The following SLC25A26 variants were observed in gnomAD, a reference collection of about 807,000 sequenced individuals.
The protein encoded by SLC25A26 is solute carrier family 25 member 26, also known as mitochondrial S-adenosylmethionine carrier protein.
SLC25A26 carries 36 observed loss-of-function variants against 37.8 expected under a neutral mutation model. That is an observed-to-expected ratio of 0.95 (90% CI 0.73 to 1.26). The LOEUF (loss-of-function observed/expected upper bound fraction) is 1.26. Among genes scored for constraint, SLC25A26 ranks in the 50% most tolerant of loss-of-function variants. SLC25A26 has a pLI of 0.00. For synonymous variants in SLC25A26, 129 were observed against 122.5 expected (o/e 1.05, Z -0.35); for missense variants, 390 against 331.1 (o/e 1.18, Z -1.38).
At chr3:66,170,697 A>G (rs926538900) in intron 1 of SLC25A26, among the ~76,000 whole-genome samples, 1 of 150,770 alleles carries the variant, frequency 6.6e-6, no homozygotes, top group Admixed American at 6.6e-5. Flanking sequence ...TATTCCATCC[A>G]TCTATAATCC....
chr3:66,150,749 C>T (rs1424220955), intron 1 of SLC25A26, among the ~76,000 whole-genome samples: 3 of 148,472 alleles, frequency 2.0e-5, no homozygotes, highest in African/African-American at 7.5e-5. Context: ...GTCCCCTGGA[C>T]TGGCTGGACA....
At chr3:66,368,903 A>AG (rs1700180839) in intron 7 of SLC25A26, among the ~76,000 whole-genome samples, 1 of 151,962 alleles carries the variant, frequency 6.6e-6, no homozygotes, top group South Asian at 2.1e-4. Context: ...CTGTAGTCCC[A>AG]GCTACTCAGG....
At chr3:66,173,961 G>A (rs2106737706) in intron 1 of SLC25A26, among the ~76,000 whole-genome samples, 1 of 152,120 alleles carries the variant, frequency 6.6e-6, no homozygotes, top group East Asian at 1.9e-4. Flanking sequence ...GCTGAGGCAG[G>A]AGAATCATTT....
intron 1 of SLC25A26, among the ~76,000 whole-genome samples, chr3:66,157,942 C>CTGTTTT (rs1353986921): frequency 1.3e-5 from 2 of 152,152 alleles, no homozygotes; most frequent in Non-Finnish European, 2.9e-5. Flanking sequence ...GAATTTCTTT[C>CTGTTTT]TGTTTTTGTT....
chr3:66,345,768 A>G (rs2076308076), intron 5 of SLC25A26, among the ~76,000 whole-genome samples: 1 of 152,120 alleles, frequency 6.6e-6, no homozygotes, highest in African/African-American at 2.4e-5. Flanking sequence ...AAGCACAGAA[A>G]TGTCACGTCC....
At chr3:66,300,243 G>GTTTTTTTTT (rs1395905357) in intron 5 of SLC25A26, among the ~76,000 whole-genome samples, 1 of 113,440 alleles carries the variant, frequency 8.8e-6, no homozygotes, top group African/African-American at 3.0e-5. Context: ...CTAGGCTAGG[G>GTTTTTTTTT]TTTTTTTGTT....
In SLC25A26 at chr3:66,243,153, G is replaced by A. The variant is rs782812220; in HGVS notation, c.191-50G>A. 6 of 846,428 alleles carry A rather than the reference G, an allele frequency of 7.1e-6. No homozygotes were observed. The South Asian group carries it at 9.1e-5, about 13-fold the overall frequency. The allele number at this position is 846,428 out of a possible 1,614,324, so 52.4% of individuals were successfully genotyped here. A position where few individuals can be genotyped will look rare whatever the true frequency, so the allele number is the denominator to read the frequency against. ...TTTGAGAAACATGTTTCTTAACAGT[G>A]TGAATATATGTTTAAACTTTGTGAA... On this transcript the variant is annotated intron_variant, in intron 2 of 9. Coordinates refer to ENST00000354883, the MANE Select transcript of SLC25A26 (RefSeq NM_001379210.1).
At chr3:66,295,831 C>A (rs1487636270) in intron 5 of SLC25A26, among the ~76,000 whole-genome samples, 2 of 151,566 alleles carry the variant, frequency 1.3e-5, no homozygotes, top group African/African-American at 2.4e-5. Context: ...TTTTAAATTC[C>A]ATTTCTTGTC....
chr3:66,370,149 C>T (rs749129566), intron 8 of SLC25A26, among the ~76,000 whole-genome samples: 2 of 152,200 alleles, frequency 1.3e-5, no homozygotes, highest in South Asian at 2.1e-4. Context: ...AACATTTAAA[C>T]GGCACTCTAT....
At chr3:66,362,324 A>G (rs1055199328) in intron 6 of SLC25A26, among the ~76,000 whole-genome samples, 17 of 152,238 alleles carry the variant, frequency 1.1e-4, no homozygotes, top group African/African-American at 4.1e-4. Flanking sequence ...AAATCACGGT[A>G]TATCCATACA....
chr3:66,374,262 CATG>C (rs375616024), intron 9 of SLC25A26, among the ~76,000 whole-genome samples: 36 of 152,338 alleles, frequency 2.4e-4, no homozygotes, highest in African/African-American at 8.7e-4. Context: ...TCCAATAGCA[CATG>C]ATGACTTTGT....
chr3:66,218,484 C>T (rs2071394330), upstream of SLC25A26, among the ~76,000 whole-genome samples: 1 of 152,148 alleles, frequency 6.6e-6, no homozygotes, highest in African/African-American at 2.4e-5. Context: ...CTAGTGTATT[C>T]ATATCTCATT....
chr3:66,209,029 C>T lies in SLC25A26; in HGVS notation c.-353-11713C>T, dbSNP rs1224788698. 7.7e-5 allele frequency among the ~76,000 whole-genome samples: 5 copies of T among 65,344 alleles called. 1 individual carries two copies. The highest frequency in any genetic ancestry group is 1.2e-4 in the Non-Finnish European group (4 of 33,156). The allele number at this position is 65,344 out of a possible 152,430, so 42.9% of individuals were successfully genotyped here. A position where few individuals can be genotyped will look rare whatever the true frequency, so the allele number is the denominator to read the frequency against. On this transcript the variant is annotated intron_variant, in intron 1 of 10. Coordinates refer to the SLC25A26 transcript ENST00000676754. ...AAAGGTATATATATATATACACACC[C>T]ATATAAAGGTGTATATATATATATA...
chr3:66,340,543 T>G (rs2076186817), intron 5 of SLC25A26, among the ~76,000 whole-genome samples: 1 of 152,098 alleles, frequency 6.6e-6, no homozygotes, highest in Non-Finnish European at 1.5e-5. Context: ...TGGATTGAGC[T>G]TTTATCTTTA....
At chr3:66,360,061 TAA>T (rs887878157) in intron 6 of SLC25A26, among the ~76,000 whole-genome samples, 1 of 152,224 alleles carries the variant, frequency 6.6e-6, no homozygotes, top group African/African-American at 2.4e-5. Context: ...CTGTCTGACT[TAA>T]GAGAAGTTGT....
rs1576639409 is a variant in SLC25A26 at position 66,209,057 on chromosome 3, TATATATATACACAC to T, written c.-353-11683_-353-11670del. Among the ~76,000 whole-genome samples, 29 of 24,846 alleles carry T rather than the reference TATATATATACACAC, an allele frequency of 1.2e-3. No individual in the cohort carries two copies. The East Asian group carries it at 0.058, about 50-fold the overall frequency. 16.3% of individuals were successfully genotyped at this position (24,846 alleles called of 152,430 possible). A position where few individuals can be genotyped will look rare whatever the true frequency, so the allele number is the denominator to read the frequency against. On this transcript the variant is annotated intron_variant, in intron 1 of 10. Coordinates refer to the SLC25A26 transcript ENST00000676754. ...ATAAAGGTGTATATATATATATATA[TATATATATACACAC>T]ACACACCCATATAAAGATGTATATA...
intron 5 of SLC25A26, among the ~76,000 whole-genome samples, chr3:66,344,734 G>A (rs988636612): frequency 6.6e-6 from 1 of 152,234 alleles, no homozygotes; most frequent in East Asian, 1.9e-4. Flanking sequence ...GTCCACTGGT[G>A]TTAAGACATT....
chr3:66,311,962 A>G (rs56250028), intron 5 of SLC25A26, among the ~76,000 whole-genome samples: 34,963 of 152,024 alleles, frequency 0.23, 5,011 homozygotes, highest in East Asian at 0.66. Flanking sequence ...ATCAGGAAGC[A>G]TGGGGGTCAG....
chr3:66,197,266 A>G (rs2071056885), intron 1 of SLC25A26, among the ~76,000 whole-genome samples: 3 of 152,150 alleles, frequency 2.0e-5, no homozygotes, highest in Admixed American at 6.6e-5. Context: ...GGTCAGATTC[A>G]GGGTGAAGGT....
Sources: allele counts gnomAD v4.1 joint callset (sites outside exome capture counted in the v4.1 genomes callset), GRCh38; gene constraint gnomAD v4.1.1; transcripts MANE v1.5; gene names NCBI Gene and HGNC (gene_info 2026-07-23, HGNC 2026-07-21).